The following MAP1B variants were observed in gnomAD, a reference collection of about 807,000 sequenced individuals.
The protein encoded by MAP1B is microtubule-associated protein 1B.
A neutral mutation model predicts 176.1 loss-of-function variants in MAP1B; 12 were observed. The ratio of observed to expected loss-of-function variants is 0.07; its 90% confidence interval spans 0.04 to 0.11. MAP1B has a LOEUF of 0.11. Ranked by LOEUF, MAP1B falls within the 10% of genes least tolerant of loss-of-function variation. MAP1B has a pLI of 1.00. For synonymous variants in MAP1B, 1,044 were observed against 1,135.0 expected (o/e 0.92, Z 1.61); for missense variants, 2,523 against 2,990.5 (o/e 0.84, Z 3.65).
At chr5:72,159,698 G>A (rs1412683146) in intron 2 of MAP1B, among the ~76,000 whole-genome samples, 1 of 152,186 alleles carries the variant, frequency 6.6e-6, no homozygotes, top group Admixed American at 6.5e-5. Context: ...CAGCCTTCAA[G>A]GCATTCAATG....
At chr5:72,116,714 T>G (rs539270127) in intron 2 of MAP1B, among the ~76,000 whole-genome samples, 1 of 152,326 alleles carries the variant, frequency 6.6e-6, no homozygotes, top group South Asian at 2.1e-4. Flanking sequence ...AACACTGTAT[T>G]ACATCTTATT....
At position 72,195,576 on chromosome 5, in the gene MAP1B, A is replaced by G; in HGVS notation, c.2221A>G (p.Lys741Glu). 4.3e-6 allele frequency: 7 copies of G among 1,613,242 alleles called. No individual in the cohort carries two copies. The highest frequency in any genetic ancestry group is 5.9e-6 in the Non-Finnish European group (7 of 1,179,806). The change falls in exon 5 of 7, where the codon AAA (lysine) becomes GAA (glutamate). Residue 741 changes from lysine (K) to glutamate (E), a missense_variant. Physicochemically the swap from Lys to Glu is moderately conservative, Grantham distance 56. This residue lies in a region of MAP1B where 1,925 missense variants were observed against 2,126.0 expected (regional missense o/e 0.91). Coordinates refer to ENST00000296755, the MANE Select transcript of MAP1B (RefSeq NM_005909.5). Reference sequence around the variant, plus strand: ...TAAGAAGCTCCCTAAAGACGCAAAGAAATCATCTACTCCTCTGTCTGAAGC... The same window carrying G: ...TAAGAAGCTCCCTAAAGACGCAAAGGAATCATCTACTCCTCTGTCTGAAGC... ...EIKKLPKDAK[K>E]SSTPLSEAKK...
chr5:72,156,169 T>C (rs959444981), intron 2 of MAP1B, among the ~76,000 whole-genome samples: 1 of 152,158 alleles, frequency 6.6e-6, no homozygotes, highest in Non-Finnish European at 1.5e-5. Context: ...TTTTCCTTTA[T>C]GGCACCCACC....
chr5:72,144,865 C>T (rs182575276), intron 2 of MAP1B, among the ~76,000 whole-genome samples: 2 of 152,144 alleles, frequency 1.3e-5, no homozygotes, highest in Admixed American at 6.6e-5. Flanking sequence ...GAAGAGGCTG[C>T]GTGGGAGAGG....
chr5:72,154,614 G>T (rs756388712), intron 2 of MAP1B, among the ~76,000 whole-genome samples: 20 of 152,178 alleles, frequency 1.3e-4, no homozygotes, highest in Non-Finnish European at 5.9e-5. Flanking sequence ...AACAAACACA[G>T]GTCCCCTACC....
At chr5:72,203,884 C>A in intron 6 of MAP1B, 83 bp downstream of exon 6, 1 of 1,273,922 alleles carries the variant, frequency 7.8e-7, no homozygotes, top group Non-Finnish European at 1.1e-6. Flanking sequence ...AAAGAGGCAC[C>A]TCATGTGGCT....
chr5:72,182,815 T>C (rs958455033), intron 2 of MAP1B, among the ~76,000 whole-genome samples: 1 of 152,092 alleles, frequency 6.6e-6, no homozygotes, highest in African/African-American at 2.4e-5. Context: ...CCTCCCACAT[T>C]TCGGAGAGAA....
chr5:72,154,983 A>G (rs562960015), intron 2 of MAP1B, among the ~76,000 whole-genome samples: 144 of 152,296 alleles, frequency 9.5e-4, no homozygotes, highest in African/African-American at 3.4e-3. Flanking sequence ...TAGACTCCAG[A>G]TTGAACAATG....
At chr5:72,155,754 TGA>T in intron 2 of MAP1B, among the ~76,000 whole-genome samples, 2 of 150,190 alleles carry the variant, frequency 1.3e-5, no homozygotes, top group Non-Finnish European at 2.9e-5. Flanking sequence ...ATTGATTGAT[TGA>T]TTTTCTTTTC....
chr5:72,139,730 C>T (rs940214032), intron 2 of MAP1B, among the ~76,000 whole-genome samples: 2 of 152,080 alleles, frequency 1.3e-5, no homozygotes, highest in African/African-American at 2.4e-5. Flanking sequence ...GAGGAAACCT[C>T]GTATATAGTT....
intron 2 of MAP1B, among the ~76,000 whole-genome samples, chr5:72,167,285 A>AT (rs895880632): frequency 7.9e-5 from 12 of 152,158 alleles, no homozygotes; most frequent in African/African-American, 1.2e-4. Context: ...TGTTAATTGG[A>AT]TTTTTTTTAA....
Position 72,205,282 on chromosome 5 carries a change from A to G in MAP1B, c.*43A>G, listed in dbSNP as rs1169267579. On this transcript the variant is annotated 3_prime_UTR_variant, in exon 7 of 7. Transcript: ENST00000296755. ...ACCACAGGATCTGAACTTTGTTTCC[A>G]GAAATTCTTCAATTTGAAATCACCT... 1 of 1,566,566 alleles carries G rather than the reference A, an allele frequency of 6.4e-7. No homozygotes were observed. Among genetic ancestry groups the G allele is most frequent in the Non-Finnish European group, 8.6e-7 (1 of 1,158,992 alleles).
intron 2 of MAP1B, among the ~76,000 whole-genome samples, chr5:72,175,397 G>A (rs986431605): frequency 2.6e-5 from 4 of 152,078 alleles, no homozygotes; most frequent in African/African-American, 9.7e-5. Flanking sequence ...CTTTGTTGAA[G>A]ATGTAACCCT....
intron 2 of MAP1B, among the ~76,000 whole-genome samples, chr5:72,155,257 C>T (rs1746208320): frequency 6.6e-6 from 1 of 152,166 alleles, no homozygotes; most frequent in South Asian, 2.1e-4. Context: ...AAAGAGCTAA[C>T]TGGTGAAATG....
chr5:72,199,531 A>G lies in MAP1B; in HGVS notation c.6176A>G (p.Tyr2059Cys), dbSNP rs1408815001. Residue 2059 changes from tyrosine (Y) to cysteine (C), a missense_variant, in exon 5 of 7, where the codon TAC becomes TGC. Tyr to Cys is a radical substitution (Grantham distance 194). Coordinates refer to ENST00000296755, the MANE Select transcript of MAP1B (RefSeq NM_005909.5). The surrounding 1 kb of genome is among the most constrained non-coding windows in gnomAD (Gnocchi z 4.2). The part of the protein sequence containing the change: ...TRTPQASTYS[Y>C]ETSDLCYTAE... ...ACCCCTCAGGCATCCACATATTCCTACGAGACTTCAGACCTATGCTACACT... is the reference window on the plus strand; with the variant it reads ...ACCCCTCAGGCATCCACATATTCCTGCGAGACTTCAGACCTATGCTACACT... 2.5e-6 allele frequency: 4 copies of G among 1,614,206 alleles called. No individual in the cohort carries two copies. In the South Asian group the frequency reaches 3.3e-5, roughly 13 times the overall value.
In MAP1B at chr5:72,199,918, C is replaced by T; in HGVS notation, c.6563C>T (p.Pro2188Leu). 1 of 1,614,186 alleles carries T rather than the reference C, an allele frequency of 6.2e-7. No individual in the cohort carries two copies. Among genetic ancestry groups the T allele is most frequent in the Non-Finnish European group, 8.5e-7 (1 of 1,180,034 alleles). ...IDSEDESETI[P>L]TDKTVTYKHM... ...TCTGAAGACGAGTCGGAAACCATCC[C>T]CACAGACAAAACTGTCACGTACAAA... The change falls in exon 5 of 7, where the codon CCC becomes CTC. Residue 2188 changes from proline to leucine, a missense_variant. Pro to Leu is a moderately conservative substitution (Grantham distance 98). Around this residue, in one of 4 missense-constraint regions of MAP1B, gnomAD observed 287 missense variants for 401.5 expected, o/e 0.71. Coordinates refer to ENST00000296755, the MANE Select transcript of MAP1B (RefSeq NM_005909.5). This position sits in a 1 kb window ranked among gnomAD's most constrained non-coding sequence, Gnocchi z 4.2.
At chr5:72,118,100 A>T (rs982072939) in intron 2 of MAP1B, among the ~76,000 whole-genome samples, 2 of 152,248 alleles carry the variant, frequency 1.3e-5, no homozygotes, top group Non-Finnish European at 2.9e-5. Flanking sequence ...GTCCAAGTCT[A>T]GTGGTCTCTA....
intron 1 of MAP1B, among the ~76,000 whole-genome samples, chr5:72,109,646 G>T (rs1473190240): frequency 6.6e-6 from 1 of 152,184 alleles, no homozygotes; most frequent in Non-Finnish European, 1.5e-5. Context: ...GGCAGGAAGG[G>T]TAAGAGAACC....
chr5:72,175,697 C>T (rs879392977), intron 2 of MAP1B, among the ~76,000 whole-genome samples: 18 of 152,062 alleles, frequency 1.2e-4, no homozygotes, highest in Non-Finnish European at 1.3e-4. Flanking sequence ...AGAGAAACAC[C>T]GAAGAGAGGA....
Sources: gnomAD v4.1 joint callset for allele counts (sites outside exome capture counted in the v4.1 genomes callset) on GRCh38, gnomAD v4.1.1 for gene constraint, gnomAD v4.1.1 regional missense constraint, Gnocchi (gnomAD v3.1) non-coding constraint, MANE v1.5 for transcripts, NCBI Gene and HGNC (gene_info 2026-07-23, HGNC 2026-07-21) for gene names.